The following VWA8 variants were observed in gnomAD, a reference collection of about 807,000 sequenced individuals.
VWA8 encodes the protein von Willebrand factor A domain containing 8, also known as von Willebrand factor A domain-containing protein 8.
In VWA8, 221 loss-of-function variants were observed where a neutral mutation model predicts 241.5. That is an observed-to-expected ratio of 0.91 (90% CI 0.82 to 1.02). The LOEUF (loss-of-function observed/expected upper bound fraction) is 1.02, where lower values mean the gene tolerates loss of function less well. Ranked by LOEUF, VWA8 falls within the 50% of genes least tolerant of loss-of-function variation. VWA8 has a pLI of 0.00. For synonymous variants in VWA8, 852 were observed against 827.1 expected (o/e 1.03, Z -0.52); for missense variants, 2,322 against 2,328.7 (o/e 1.00, Z 0.06).
intron 43 of VWA8, among the ~76,000 whole-genome samples, 190 bp downstream of exon 43, chr13:41,575,549 CA>C (rs138508916): frequency 0.053 from 7,759 of 146,318 alleles, 285 homozygotes; most frequent in African/African-American, 0.11. Flanking sequence ...ATGTAGGGGA[CA>C]AATTTTAAAT....
intron 43 of VWA8, among the ~76,000 whole-genome samples, chr13:41,574,584 C>T (rs1407865914): frequency 4.6e-5 from 7 of 152,086 alleles, no homozygotes; most frequent in East Asian, 1.9e-4. Flanking sequence ...CTAAAATTCA[C>T]GTGGAACCAA....
rs138211396 is a variant in VWA8 at position 41,823,069 on chromosome 13, G to A, written c.1701-3683C>T. On this transcript the variant is annotated intron_variant, in intron 14 of 44. Transcript: ENST00000379310. ...GAATTTCCTTAAGGCTTTTTGTTTTGAAAATCAAACACAAAGACTTGGGCA... is the reference window on the plus strand; with the variant it reads ...GAATTTCCTTAAGGCTTTTTGTTTTAAAAATCAAACACAAAGACTTGGGCA... Among the ~76,000 whole-genome samples the A allele has an allele frequency of 8.1e-3, 1,227 of 152,106 alleles. 21 individuals are homozygous for A. The highest frequency in any genetic ancestry group is 0.028 in the African/African-American group (1,156 of 41,534).
intron 5 of VWA8, among the ~76,000 whole-genome samples, chr13:41,887,621 C>T (rs1442075800): frequency 6.6e-6 from 1 of 152,076 alleles, no homozygotes; most frequent in Non-Finnish European, 1.5e-5. Flanking sequence ...GTCAGATCTC[C>T]AAGCCTTAGT....
chr13:41,590,486 C>T (rs1338569993), intron 41 of VWA8, among the ~76,000 whole-genome samples, 154 bp downstream of exon 41: 3 of 147,440 alleles, frequency 2.0e-5, no homozygotes, highest in South Asian at 2.1e-4. Flanking sequence ...TGGAGTTTTT[C>T]TTCTTCTTCT....
chr13:41,615,612 T>C (rs1422960627), intron 37 of VWA8, among the ~76,000 whole-genome samples: 1 of 152,234 alleles, frequency 6.6e-6, no homozygotes, highest in East Asian at 1.9e-4. Flanking sequence ...ATTTATGTTA[T>C]ATACTAAAAA....
In VWA8 at chr13:41,671,132, CGA is replaced by C. The variant is rs1566409366; in HGVS notation, c.4423_4424del (p.Ser1475AlafsTer18). The C allele has an allele frequency of 1.2e-6, 2 of 1,613,546 alleles. No individual in the cohort carries two copies. The highest frequency in any genetic ancestry group is 2.2e-5 in the East Asian group (1 of 44,866). On this transcript the variant is annotated frameshift_variant, in exon 37 of 45. Coordinates refer to ENST00000379310, the MANE Select transcript of VWA8 (RefSeq NM_015058.2). LOFTEE classifies it high-confidence loss of function. ...TGGTCGACAGCCATGTGGTATACGG[CGA>C]GAGAGATTCTGATCTGGAAAAAGGA... is the stretch of plus-strand genomic sequence containing the variant. ...YIPIPRSESL[S>X]PYTTWLSTIS...
At chr13:41,743,565 A>T (rs1260562273) in intron 21 of VWA8, among the ~76,000 whole-genome samples, 1 of 152,244 alleles carries the variant, frequency 6.6e-6, no homozygotes, top group African/African-American at 2.4e-5. Context: ...CTGAAATGCC[A>T]GAATGTCTCA....
intron 18 of VWA8, among the ~76,000 whole-genome samples, chr13:41,784,737 C>CACACACATATATAT (rs1191810226): frequency 1.4e-5 from 1 of 72,562 alleles, no homozygotes; most frequent in Non-Finnish European, 2.9e-5. Flanking sequence ...TATACACACA[C>CACACACATATATAT]ATATATATAT....
chr13:41,673,247 CA>C (rs1477756626), intron 36 of VWA8, among the ~76,000 whole-genome samples: 3 of 152,086 alleles, frequency 2.0e-5, no homozygotes, highest in African/African-American at 4.8e-5. Context: ...TATGTGAGAG[CA>C]AAAGTGATGT....
intron 1 of VWA8, 138 bp from the exon 2 acceptor site, chr13:41,950,151 A>G: frequency 2.1e-6 from 1 of 474,054 alleles, no homozygotes; most frequent in African/African-American, 2.0e-5. Context: ...GTCAAGCACT[A>G]TGCTCTAAAA....
intron 1 of VWA8, among the ~76,000 whole-genome samples, chr13:41,958,694 T>C (rs1287210526): frequency 2.0e-5 from 3 of 152,198 alleles, no homozygotes; most frequent in East Asian, 3.9e-4. Context: ...CTTACTCAAG[T>C]CCAGATCTCT....
At chr13:41,787,625 C>CAG in intron 17 of VWA8, 82 bp from the exon 18 acceptor site, 1 of 791,378 alleles carries the variant, frequency 1.3e-6, no homozygotes, top group Non-Finnish European at 2.2e-6. Context: ...CACACACACA[C>CAG]ACACACACAC....
chr13:41,857,522 T>C (rs1872805121), intron 12 of VWA8, among the ~76,000 whole-genome samples: 1 of 152,162 alleles, frequency 6.6e-6, no homozygotes. Flanking sequence ...TGATGAAACT[T>C]ACTAAAGTAA....
intron 26 of VWA8, among the ~76,000 whole-genome samples, chr13:41,706,541 C>G (rs1221651365): frequency 1.3e-5 from 2 of 152,160 alleles, no homozygotes; most frequent in African/African-American, 2.4e-5. Context: ...TTTTCCACTA[C>G]TAAGACCTCT....
At chr13:41,837,760 T>G (rs1176907422) in intron 12 of VWA8, among the ~76,000 whole-genome samples, 1 of 152,186 alleles carries the variant, frequency 6.6e-6, no homozygotes, top group East Asian at 1.9e-4. Context: ...ATACGGGCAT[T>G]TGGGAAACAC....
chr13:41,911,898 A>T, intron 3 of VWA8, 140 bp downstream of exon 3: 1 of 1,091,990 alleles, frequency 9.2e-7, no homozygotes, highest in Non-Finnish European at 1.2e-6. Context: ...CAAACACTTT[A>T]TAAACAAATC....
chr13:41,626,310 G>A (rs1566392930), intron 37 of VWA8, among the ~76,000 whole-genome samples: 1 of 152,084 alleles, frequency 6.6e-6, no homozygotes, highest in Non-Finnish European at 1.5e-5. Context: ...TAATGGATAG[G>A]AAGACTCAAC....
chr13:41,774,000 T>C (rs1479967028), intron 20 of VWA8, among the ~76,000 whole-genome samples: 1 of 152,210 alleles, frequency 6.6e-6, no homozygotes, highest in Non-Finnish European at 1.5e-5. Flanking sequence ...CTCCTTCACT[T>C]AAACAGCTGC....
At chr13:41,842,016 C>T (rs938823723) in intron 12 of VWA8, among the ~76,000 whole-genome samples, 3 of 150,848 alleles carry the variant, frequency 2.0e-5, no homozygotes, top group East Asian at 1.9e-4. Flanking sequence ...CAGGAAAATA[C>T]CATACCAGTA....
Sources: gnomAD v4.1 joint callset for allele counts (sites outside exome capture counted in the v4.1 genomes callset) on GRCh38, gnomAD v4.1.1 for gene constraint, MANE v1.5 for transcripts, NCBI Gene and HGNC (gene_info 2026-07-23, HGNC 2026-07-21) for gene names.